Variants in THSD7A observed in about 807,000 individuals in gnomAD.
THSD7A encodes the protein thrombospondin type 1 domain containing 7A, also known as thrombospondin type-1 domain-containing protein 7A.
In THSD7A, 96 loss-of-function variants were observed where a neutral mutation model predicts 231.3. The ratio of observed to expected loss-of-function variants is 0.41; its 90% CI spans 0.35 to 0.49. The LOEUF (loss-of-function observed/expected upper bound fraction) is 0.49. THSD7A is among the 20% of genes least tolerant of loss of function. The probability of loss-of-function intolerance (pLI) is 0.05; values close to 1 mark genes in which losing one functional copy is unlikely to be tolerated. For missense variants in THSD7A, 2,290 were observed against 2,070.2 expected, an observed-to-expected ratio of 1.11 and a Z score of -2.06; for synonymous variants, 940 against 743.3, an observed-to-expected ratio of 1.26 and a Z score of -4.30.
chr7:11,680,451 A>C (rs981541363), intron 1 of THSD7A, among the ~76,000 whole-genome samples: 4 of 152,204 alleles, frequency 2.6e-5, no homozygotes, highest in Non-Finnish European at 5.9e-5. Flanking sequence ...CAATGTATCC[A>C]TCTGACAAAG....
Position 11,417,445 on chromosome 7 carries a change from C to T in THSD7A, c.3537+5G>A, listed in dbSNP as rs753914958. ...CTACATTAATAAAAAGGTTAATCAT[C>T]TCACCAAAACACATTGGGTCCATGG... is the stretch of plus-strand genomic sequence containing the variant. On this transcript the variant is annotated splice_donor_5th_base_variant and intron_variant, in intron 17 of 27. Transcript: ENST00000423059. 12 of 1,574,006 alleles carry T rather than the reference C, an allele frequency of 7.6e-6. No individual in the cohort carries two copies. In the Admixed American group the frequency reaches 2.5e-4, roughly 32 times the overall value.
intron 23 of THSD7A, chr7:11,384,152 A>C (rs182792290): frequency 1.3e-5 from 2 of 151,868 alleles, no homozygotes; most frequent in African/African-American, 4.8e-5. Context: ...TAAATTAATA[A>C]ATATTATAAG....
intron 27 of THSD7A, 29 bp from the exon 28 acceptor site, chr7:11,375,907 GA>G: frequency 1.3e-6 from 2 of 1,598,298 alleles, no homozygotes; most frequent in Non-Finnish European, 1.7e-6. Context: ...TTAGGAGAAA[GA>G]AAATCAGTTT....
chr7:11,564,084 A>G (rs182590211), intron 4 of THSD7A, among the ~76,000 whole-genome samples: 114 of 152,274 alleles, frequency 7.5e-4, no homozygotes, highest in African/African-American at 2.7e-3. Flanking sequence ...GGCTTGGTCT[A>G]TTTTGGTTTA....
intron 17 of THSD7A, chr7:11,413,691 A>G (rs1369026066): frequency 6.6e-6 from 1 of 152,206 alleles, no homozygotes; most frequent in Non-Finnish European, 1.5e-5. Context: ...GGGAGAGGAG[A>G]GGAACCTGAA....
At chr7:11,680,497 A>C (rs10239287) in intron 1 of THSD7A, among the ~76,000 whole-genome samples, 5,320 of 152,242 alleles carry the variant, frequency 0.035, 308 homozygotes, top group African/African-American at 0.12. Flanking sequence ...ACTTAAACAA[A>C]TTTACAAGAA....
chr7:11,733,156 T>C (rs17165101), intron 1 of THSD7A, among the ~76,000 whole-genome samples: 26,566 of 151,778 alleles, frequency 0.18, 3,033 homozygotes, highest in African/African-American at 0.32. Context: ...TCCTGTCCTG[T>C]AATAAAAATC....
In THSD7A at chr7:11,469,941, T is replaced by C. The variant is rs1023256057; in HGVS notation, c.2306A>G (p.Lys769Arg). Residue 769 changes from lysine (K) to arginine (R), a missense_variant, in exon 9 of 28, where the codon AAG (lysine) becomes AGG (arginine). By Grantham distance (26) the Lys-to-Arg change is conservative. Coordinates refer to ENST00000423059, the MANE Select transcript of THSD7A (RefSeq NM_015204.3). ...ATATGGGGTCACAATACAGTCCTTC[T>C]TACAAGGAAGCAGACAAGGCCTTAC... ...ETVRPCLLPCKKDCIVTPYSD... is the reference protein window; with the variant it reads ...ETVRPCLLPCRKDCIVTPYSD... The C allele has an allele frequency of 2.4e-5, 39 of 1,602,184 alleles. No individual in the cohort carries two copies. The highest frequency in any genetic ancestry group is 3.2e-5 in the Non-Finnish European group (38 of 1,173,878).
chr7:11,509,022 C>T (rs1583873384), intron 6 of THSD7A, among the ~76,000 whole-genome samples: 1 of 152,082 alleles, frequency 6.6e-6, no homozygotes, highest in African/African-American at 2.4e-5. Context: ...TAACACTATA[C>T]CAACAGCCAA....
chr7:11,616,527 ATAATT>A (rs2128350987), intron 2 of THSD7A, among the ~76,000 whole-genome samples: 2 of 152,000 alleles, frequency 1.3e-5, no homozygotes, highest in East Asian at 3.9e-4. Flanking sequence ...CAGTCCAAGA[ATAATT>A]TAATATATAA....
chr7:11,778,156 C>CAAAAAAA (rs57740181), intron 1 of THSD7A, among the ~76,000 whole-genome samples: 12 of 45,038 alleles, frequency 2.7e-4, no homozygotes, highest in Admixed American at 6.4e-4. Flanking sequence ...GACTCCGTCT[C>CAAAAAAA]AAAAAAAAAA....
At chr7:11,376,539 T>C in intron 27 of THSD7A, 31 bp downstream of exon 27, 2 of 1,491,958 alleles carry the variant, frequency 1.3e-6, no homozygotes, top group Non-Finnish European at 1.8e-6. Flanking sequence ...ATTAAGTATC[T>C]CTTTGGATTT....
chr7:11,506,081 C>T (rs1195582987), intron 6 of THSD7A, among the ~76,000 whole-genome samples: 1 of 152,266 alleles, frequency 6.6e-6, no homozygotes, highest in Non-Finnish European at 1.5e-5. Flanking sequence ...ATCCTCAGTA[C>T]ATGCAGATAA....
At chr7:11,383,163 T>C (rs1427279651) in intron 23 of THSD7A, among the ~76,000 whole-genome samples, 2 of 151,734 alleles carry the variant, frequency 1.3e-5, no homozygotes, top group African/African-American at 4.8e-5. Context: ...ATAATTACTA[T>C]ATACAGAAAT....
intron 1 of THSD7A, among the ~76,000 whole-genome samples, chr7:11,721,697 T>G (rs1583224045): frequency 6.6e-6 from 1 of 151,890 alleles, no homozygotes; most frequent in African/African-American, 2.4e-5. Flanking sequence ...CCCCTTTAAT[T>G]CATTCATCCT....
intron 1 of THSD7A, among the ~76,000 whole-genome samples, chr7:11,726,565 G>T (rs1220285012): frequency 6.6e-6 from 1 of 151,962 alleles, no homozygotes; most frequent in Non-Finnish European, 1.5e-5. Context: ...GCACCCTAAT[G>T]GTTCCCTTTC....
At chr7:11,651,172 A>G (rs1327775925) in intron 1 of THSD7A, among the ~76,000 whole-genome samples, 1 of 152,076 alleles carries the variant, frequency 6.6e-6, no homozygotes. Flanking sequence ...TAAGTGACGT[A>G]AGCAAGACAC....
At chr7:11,558,869 A>G (rs1789958795) in intron 4 of THSD7A, among the ~76,000 whole-genome samples, 1 of 152,212 alleles carries the variant, frequency 6.6e-6, no homozygotes, top group Non-Finnish European at 1.5e-5. Flanking sequence ...TTAAAGGTTT[A>G]AAACTTGAGA....
intron 9 of THSD7A, among the ~76,000 whole-genome samples, chr7:11,468,759 AG>A (rs1330081633): frequency 6.6e-6 from 1 of 152,118 alleles, no homozygotes; most frequent in Non-Finnish European, 1.5e-5. Flanking sequence ...GCTTGAACCC[AG>A]GAGGCTGAGG....
Sources: allele counts gnomAD v4.1 joint callset (sites outside exome capture counted in the v4.1 genomes callset), GRCh38; gene constraint gnomAD v4.1.1; transcripts MANE v1.5; gene names NCBI Gene and HGNC (gene_info 2026-07-23, HGNC 2026-07-21).